Variants in COPZ2 observed in about 807,000 individuals in gnomAD.
The protein encoded by COPZ2 is coat protein complex I subunit zeta 2, also known as coatomer subunit zeta-2.
A neutral mutation model predicts 33.2 loss-of-function variants in COPZ2; 30 were observed. The observed-to-expected ratio is 0.90, with a 90% CI of 0.68 to 1.23. COPZ2 has a LOEUF of 1.23. Ranked by LOEUF, COPZ2 falls within the 50% of genes most tolerant of loss-of-function variation. The pLI is 0.00. For synonymous variants in COPZ2, 89 were observed against 102.6 expected (o/e 0.87, Z 0.80); for missense variants, 263 against 262.4 (o/e 1.00, Z -0.02).
intron 2 of COPZ2, among the ~76,000 whole-genome samples, chr17:48,036,328 T>C (rs972883291): frequency 2.0e-5 from 3 of 152,190 alleles, no homozygotes; most frequent in Non-Finnish European, 4.4e-5. Context: ...GTTAGGATAT[T>C]AATACTTGTG....
At chr17:48,046,662 C>T in the COPZ2 span, 1 of 152,330 alleles carries the variant, frequency 6.6e-6, no homozygotes, top group South Asian at 2.1e-4. Context: ...CAATACCAGT[C>T]TTTATCTTCA....
upstream of COPZ2, among the ~76,000 whole-genome samples, chr17:48,041,808 A>ATTT (rs34673033): frequency 7.0e-6 from 1 of 141,928 alleles, no homozygotes; most frequent in African/African-American, 2.6e-5. Flanking sequence ...GAGCTAGTCC[A>ATTT]TTTTTTTTTT....
the COPZ2 span, among the ~76,000 whole-genome samples, chr17:48,044,153 C>A: frequency 1.3e-5 from 2 of 152,134 alleles, no homozygotes; most frequent in Non-Finnish European, 2.9e-5. Flanking sequence ...TTGAGACCAG[C>A]CTGGCCAACA....
the COPZ2 span, chr17:48,045,971 G>C: frequency 1.3e-5 from 2 of 152,146 alleles, no homozygotes; most frequent in African/African-American, 2.4e-5. Context: ...AGACAGAATG[G>C]AAGACAGTCT....
At chr17:48,046,484 G>C in the COPZ2 span, 2 of 152,134 alleles carry the variant, frequency 1.3e-5, no homozygotes, top group African/African-American at 2.4e-5. Context: ...AGCGACGGGG[G>C]TCTCACTATG....
chr17:48,042,325 G>A (rs184906416), upstream of COPZ2, among the ~76,000 whole-genome samples: 10 of 152,252 alleles, frequency 6.6e-5, no homozygotes, highest in Non-Finnish European at 1.3e-4. Context: ...AGTAGAGACA[G>A]GGTTTCACTA....
At chr17:48,047,315 G>C in the COPZ2 span, 1 of 152,156 alleles carries the variant, frequency 6.6e-6, no homozygotes, top group Non-Finnish European at 1.5e-5. Flanking sequence ...TCCCTAAATG[G>C]GGTCTTCGCA....
chr17:48,032,155 C>T lies in COPZ2; in HGVS notation c.494+1G>A, dbSNP rs1330980997. 1.2e-6 allele frequency: 2 copies of T among 1,612,418 alleles called. No homozygotes were observed. Among genetic ancestry groups the T allele is most frequent in the Non-Finnish European group, 1.7e-6 (2 of 1,179,128 alleles). Reference sequence around the variant, plus strand: ...AGTGTCCCTGACTGTCCCCTCCTCACCCGCCATCCACAATCTCGTCCAGCA... The same window carrying T: ...AGTGTCCCTGACTGTCCCCTCCTCATCCGCCATCCACAATCTCGTCCAGCA... On this transcript the variant is annotated splice_donor_variant, in intron 6 of 8. Transcript: ENST00000621465. LOFTEE classifies it high-confidence loss of function.
At chr17:48,044,777 C>A in the COPZ2 span, among the ~76,000 whole-genome samples, 4 of 152,092 alleles carry the variant, frequency 2.6e-5, no homozygotes, top group African/African-American at 9.7e-5. Context: ...TGCCAGAAAA[C>A]TAATTGATTT....
In COPZ2 at chr17:48,026,486, G is replaced by T. The variant is rs772186462; in HGVS notation, c.586-11C>A. The T allele has an allele frequency of 5.0e-6, 8 of 1,601,194 alleles. No individual in the cohort carries two copies. The highest frequency in any genetic ancestry group is 6.8e-6 in the Non-Finnish European group (8 of 1,168,588). On this transcript the variant is annotated splice_polypyrimidine_tract_variant and intron_variant, in intron 8 of 8. Transcript: ENST00000621465. Reference sequence around the variant, plus strand: ...GGCAGACTGAAGAACCTGGGGTGGGGTGGGGGAGGTTGAGAGAGAATTGAG... The same window carrying T: ...GGCAGACTGAAGAACCTGGGGTGGGTTGGGGGAGGTTGAGAGAGAATTGAG...
chr17:48,027,522 T>C (rs748231010), intron 8 of COPZ2, among the ~76,000 whole-genome samples: 1 of 152,192 alleles, frequency 6.6e-6, no homozygotes, highest in Admixed American at 6.5e-5. Flanking sequence ...TGTGTTCTTA[T>C]CTGCTCTGCT....
chr17:48,045,707 T>G, the COPZ2 span: 1 of 152,280 alleles, frequency 6.6e-6, no homozygotes, highest in Non-Finnish European at 1.5e-5. Context: ...ATGCATGCGC[T>G]CACTTTTTCC....
the COPZ2 span, among the ~76,000 whole-genome samples, chr17:48,044,172 C>A: frequency 2.0e-5 from 3 of 152,098 alleles, no homozygotes; most frequent in African/African-American, 7.2e-5. Context: ...CATGGCAAAA[C>A]CCTGTCTCTA....
At position 48,028,389 on chromosome 17, in the gene COPZ2, G is replaced by T; in HGVS notation, c.585+83C>A. ...TTTTCAGACTTGATAACTTCACTGGGTCCCCCTAGGATGCTCTAGGATGCT... is the reference window on the plus strand; with the variant it reads ...TTTTCAGACTTGATAACTTCACTGGTTCCCCCTAGGATGCTCTAGGATGCT... On this transcript the variant is annotated intron_variant, in intron 8 of 8. Coordinates refer to ENST00000621465, the MANE Select transcript of COPZ2 (RefSeq NM_016429.4). This position sits in a 1 kb window ranked among gnomAD's most constrained non-coding sequence, Gnocchi z 4.5. 1 of 1,347,090 alleles carries T rather than the reference G, an allele frequency of 7.4e-7. No individual in the cohort carries two copies. The highest frequency in any genetic ancestry group is 1.0e-6 in the Non-Finnish European group (1 of 986,506). The allele number at this position is 1,347,090 out of a possible 1,614,324, so 83.4% of individuals were successfully genotyped here.
At chr17:48,042,890 TTC>T (rs2037075360), upstream of COPZ2, among the ~76,000 whole-genome samples, 1 of 152,210 alleles carries the variant, frequency 6.6e-6, no homozygotes, top group African/African-American at 2.4e-5. Context: ...ACCCCAGAAC[TTC>T]TTTCTCTCCA....
upstream of COPZ2, among the ~76,000 whole-genome samples, chr17:48,039,645 C>A (rs2037042207): frequency 6.6e-6 from 1 of 152,128 alleles, no homozygotes; most frequent in Non-Finnish European, 1.5e-5. Flanking sequence ...CAGGCGTGAA[C>A]CACCATTCCC....
the COPZ2 span, chr17:48,046,335 G>A: frequency 3.3e-5 from 5 of 152,322 alleles, no homozygotes; most frequent in African/African-American, 7.2e-5. Flanking sequence ...TGTTGAGGAA[G>A]CATCTCACTG....
intron 2 of COPZ2, among the ~76,000 whole-genome samples, chr17:48,035,835 C>T (rs2036975345): frequency 6.7e-6 from 1 of 149,140 alleles, no homozygotes; most frequent in South Asian, 2.1e-4. Context: ...CTCACTGCAA[C>T]CTCTGCCTCC....
chr17:48,036,976 C>G, intron 1 of COPZ2, 51 bp from the exon 2 acceptor site: 2 of 1,498,056 alleles, frequency 1.3e-6, no homozygotes, highest in Non-Finnish European at 1.9e-6. Flanking sequence ...AGGTGGACAC[C>G]CTGTGTCTAT....
Sources: allele counts gnomAD v4.1 joint callset (sites outside exome capture counted in the v4.1 genomes callset), GRCh38; gene constraint gnomAD v4.1.1; non-coding constraint Gnocchi (gnomAD v3.1); transcripts MANE v1.5; gene names NCBI Gene and HGNC (gene_info 2026-07-23, HGNC 2026-07-21).